UBE2V2: variants seen among roughly 807,000 people sequenced by gnomAD.
UBE2V2 encodes ubiquitin conjugating enzyme E2 V2.
In UBE2V2, 9 loss-of-function variants were observed where a neutral mutation model predicts 17.2. The observed-to-expected ratio is 0.52, with a 90% CI of 0.32 to 0.91. The LOEUF (loss-of-function observed/expected upper bound fraction) is 0.91, where lower values mean the gene tolerates loss of function less well. Ranked by LOEUF, UBE2V2 falls within the 40% of genes least tolerant of loss-of-function variation. The pLI, the probability that UBE2V2 is intolerant of heterozygous loss-of-function variation, is 0.04. For missense variants in UBE2V2, 133 were observed against 182.6 expected, an observed-to-expected ratio of 0.73 and a Z score of 1.56; for synonymous variants, 61 against 57.5, an observed-to-expected ratio of 1.06 and a Z score of -0.28.
rs544867184 is a variant in UBE2V2 at position 48,060,964 on chromosome 8, A to G, written c.*136A>G. On this transcript the variant is annotated 3_prime_UTR_variant, in exon 4 of 4. Transcript: ENST00000523111. ...AAACATGACCTGGACATTTGTAAGAATATATTTAATATATGTACACCCATT... is the reference window on the plus strand; with the variant it reads ...AAACATGACCTGGACATTTGTAAGAGTATATTTAATATATGTACACCCATT... The G allele has an allele frequency of 7.7e-5, 59 of 763,050 alleles. No homozygotes were observed. In the South Asian group the frequency reaches 2.5e-3, roughly 32 times the overall value. 47.3% of individuals were successfully genotyped at this position (763,050 alleles called of 1,614,324 possible).
intron 1 of UBE2V2, chr8:48,008,699 G>A (rs1444791896): frequency 3.2e-6 from 1 of 309,052 alleles, no homozygotes; most frequent in African/African-American, 2.3e-5. Context: ...CCGGCGGGCT[G>A]GGGGCGGGGT....
intron 1 of UBE2V2, among the ~76,000 whole-genome samples, chr8:48,019,080 A>G (rs1463389219): frequency 2.6e-5 from 4 of 151,820 alleles, no homozygotes; most frequent in Non-Finnish European, 4.4e-5. Context: ...AAAATACAAA[A>G]ATTGGACCAG....
At chr8:48,044,659 T>C (rs1190651322) in intron 2 of UBE2V2, among the ~76,000 whole-genome samples, 1 of 152,148 alleles carries the variant, frequency 6.6e-6, no homozygotes, top group Non-Finnish European at 1.5e-5. Context: ...TGTTGATGGA[T>C]AGAGTTCCAT....
rs1176558937 is a variant in UBE2V2 at position 48,009,647 on chromosome 8, A to G, written c.16+1177A>G. Among the ~76,000 whole-genome samples, 4 of 152,208 alleles carry G rather than the reference A, an allele frequency of 2.6e-5. No individual in the cohort carries two copies. In the East Asian group the frequency reaches 7.7e-4, roughly 29 times the overall value. Reference sequence around the variant, plus strand: ...TAGTTTATGCCATCATTGCATAATAAAATGAATTTTCAAATCTATATGTAC... The same window carrying G: ...TAGTTTATGCCATCATTGCATAATAGAATGAATTTTCAAATCTATATGTAC... On this transcript the variant is annotated intron_variant, in intron 1 of 3. Transcript: ENST00000523111.
chr8:48,023,593 G>A (rs532648691), intron 1 of UBE2V2, among the ~76,000 whole-genome samples: 8 of 152,204 alleles, frequency 5.3e-5, no homozygotes, highest in Admixed American at 1.3e-4. Flanking sequence ...CAGGCTGGGC[G>A]CGCAGTAGTG....
At chr8:48,005,167 CT>C (rs2091175905), upstream of UBE2V2, among the ~76,000 whole-genome samples, 1 of 152,018 alleles carries the variant, frequency 6.6e-6, no homozygotes, top group South Asian at 2.1e-4. Flanking sequence ...TATCCCTCCC[CT>C]AGCCCCCAAC....
chr8:48,035,178 C>T, intron 1 of UBE2V2: 1 of 941,534 alleles, frequency 1.1e-6, no homozygotes, highest in Non-Finnish European at 1.3e-6. Context: ...TGCAGTGGCA[C>T]AATCTCAGCT....
Position 48,022,041 on chromosome 8 carries a change from G to T in UBE2V2, c.16+13571G>T, listed in dbSNP as rs141974192. On this transcript the variant is annotated intron_variant, in intron 1 of 3. Transcript: ENST00000523111. ...AGAAAAGATCTTACAGTTACAAAAG[G>T]TTATTTTAAACTAATAACAACTTAG... Among the ~76,000 whole-genome samples the T allele has an allele frequency of 3.3e-5, 5 of 151,976 alleles. No homozygotes were observed. The East Asian group carries it at 9.7e-4, about 29-fold the overall frequency.
At chr8:48,026,381 T>C (rs1589854753) in intron 1 of UBE2V2, among the ~76,000 whole-genome samples, 1 of 152,204 alleles carries the variant, frequency 6.6e-6, no homozygotes, top group East Asian at 1.9e-4. Context: ...GAGATGTAAA[T>C]GAATATTGAG....
At chr8:48,032,064 T>A (rs773397270) in intron 1 of UBE2V2, among the ~76,000 whole-genome samples, 3 of 152,196 alleles carry the variant, frequency 2.0e-5, no homozygotes, top group Non-Finnish European at 4.4e-5. Context: ...AATTATGGTA[T>A]CATGTAGTTG....
At chr8:48,022,352 T>A (rs372066011) in intron 1 of UBE2V2, among the ~76,000 whole-genome samples, 1 of 152,054 alleles carries the variant, frequency 6.6e-6, no homozygotes, top group Non-Finnish European at 1.5e-5. Context: ...GCTAGGCTGC[T>A]CTCGAACTCC....
chr8:48,033,688 G>A (rs572140780), intron 1 of UBE2V2, among the ~76,000 whole-genome samples: 5 of 151,832 alleles, frequency 3.3e-5, no homozygotes, highest in Admixed American at 6.6e-5. Flanking sequence ...GGCTGGGTGC[G>A]GGCTCATATC....
At chr8:48,016,078 G>GT (rs1481940626) in intron 1 of UBE2V2, among the ~76,000 whole-genome samples, 2 of 151,872 alleles carry the variant, frequency 1.3e-5, no homozygotes, top group East Asian at 3.9e-4. Context: ...TTGTATTTTA[G>GT]TAGAGATGGG....
intron 1 of UBE2V2, chr8:48,034,940 A>G (rs1354771359): frequency 3.5e-6 from 3 of 854,336 alleles, no homozygotes; most frequent in African/African-American, 1.8e-5. Flanking sequence ...CCCTCCCTGC[A>G]GCCTCTCCAG....
At chr8:48,045,761 C>G (rs1341718454) in intron 2 of UBE2V2, among the ~76,000 whole-genome samples, 1 of 152,162 alleles carries the variant, frequency 6.6e-6, no homozygotes, top group African/African-American at 2.4e-5. Context: ...TGATGATCTT[C>G]TCTGCATCAC....
At chr8:48,001,946 G>A in the UBE2V2 span, among the ~76,000 whole-genome samples, 627 of 152,150 alleles carry the variant, frequency 4.1e-3, 5 homozygotes, top group South Asian at 0.025. Context: ...AAAATGAGCC[G>A]GACGTGGTGG....
intron 1 of UBE2V2, among the ~76,000 whole-genome samples, chr8:48,018,225 T>C (rs2091283132): frequency 6.6e-6 from 1 of 152,166 alleles, no homozygotes; most frequent in South Asian, 2.1e-4. Flanking sequence ...ATACAAGGCA[T>C]CTTAATTGGA....
chr8:48,036,843 G>T (rs1488549665), intron 1 of UBE2V2, among the ~76,000 whole-genome samples: 3 of 152,064 alleles, frequency 2.0e-5, no homozygotes, highest in African/African-American at 7.2e-5. Flanking sequence ...AAATCTCAGG[G>T]TATTTGTGGT....
At chr8:48,019,455 G>A (rs1230729575) in intron 1 of UBE2V2, among the ~76,000 whole-genome samples, 1 of 152,060 alleles carries the variant, frequency 6.6e-6, no homozygotes, top group African/African-American at 2.4e-5. Flanking sequence ...GTGAACCTGG[G>A]AGTCGGGAGA....
Sources: allele counts gnomAD v4.1 joint callset (sites outside exome capture counted in the v4.1 genomes callset), GRCh38; gene constraint gnomAD v4.1.1; transcripts MANE v1.5; gene names NCBI Gene and HGNC (gene_info 2026-07-23, HGNC 2026-07-21).